TTC7B: variants seen among roughly 807,000 people sequenced by gnomAD.
TTC7B encodes tetratricopeptide repeat protein 7B.
A neutral mutation model predicts 106.8 loss-of-function variants in TTC7B; 28 were observed. That is an observed-to-expected ratio of 0.26 (90% confidence interval 0.19 to 0.36). The LOEUF is 0.36. Ranked by LOEUF, TTC7B falls within the 10% of genes least tolerant of loss-of-function variation. The probability of loss-of-function intolerance (pLI) is 1.00; values close to 1 mark genes in which losing one functional copy is unlikely to be tolerated. For synonymous variants in TTC7B, 405 were observed against 430.6 expected, an observed-to-expected ratio of 0.94 and a Z score of 0.74; for missense variants, 862 against 1,076.4, an observed-to-expected ratio of 0.80 and a Z score of 2.79.
chr14:90,583,350 T>G (rs1473028838), intron 18 of TTC7B, among the ~76,000 whole-genome samples: 1 of 152,200 alleles, frequency 6.6e-6, no homozygotes, highest in Non-Finnish European at 1.5e-5. Context: ...TGCAGATTAC[T>G]GAATGCTGGG....
At chr14:90,565,041 T>C (rs571282706) in intron 19 of TTC7B, among the ~76,000 whole-genome samples, 1 of 152,272 alleles carries the variant, frequency 6.6e-6, no homozygotes, top group Non-Finnish European at 1.5e-5. Context: ...ATGAGACAGC[T>C]TCTTAAACCT....
chr14:90,742,785 G>A lies in TTC7B; in HGVS notation c.576+2007C>T, dbSNP rs147167169. Among the ~76,000 whole-genome samples the A allele has an allele frequency of 2.3e-3, 348 of 152,322 alleles. 6 individuals carry two copies. Among genetic ancestry groups the A allele is most frequent in the African/African-American group, 8.1e-3 (338 of 41,556 alleles). ...CCTGCTGAAGAACCCAGCACTGAAT[G>A]GGGTGTTGTGAGTGAACATAACAGA... On this transcript the variant is annotated intron_variant, in intron 4 of 19. Coordinates refer to ENST00000328459, the MANE Select transcript of TTC7B (RefSeq NM_001010854.2). The surrounding 1 kb of genome is among the most constrained non-coding windows in gnomAD (Gnocchi z 4.1).
chr14:90,566,835 G>A (rs1378295965), intron 19 of TTC7B, among the ~76,000 whole-genome samples: 6 of 152,146 alleles, frequency 3.9e-5, no homozygotes, highest in Admixed American at 3.9e-4. Flanking sequence ...GAGTGTTCTG[G>A]ACATTGAGGC....
chr14:90,660,925 A>C (rs1886177948), intron 9 of TTC7B, among the ~76,000 whole-genome samples: 1 of 152,240 alleles, frequency 6.6e-6, no homozygotes, highest in African/African-American at 2.4e-5. Flanking sequence ...GAGCACGGGC[A>C]ATGTGTTCAG....
chr14:90,664,135 C>T (rs1886316107), intron 9 of TTC7B, among the ~76,000 whole-genome samples: 1 of 152,196 alleles, frequency 6.6e-6, no homozygotes, highest in African/African-American at 2.4e-5. Flanking sequence ...AGGCTGTTTG[C>T]TCATCCCAGT....
rs750919812 is a variant in TTC7B, at chr14:90,541,479, G to A, written c.2421C>T (p.Val807=). The change falls in exon 20 of 20, where the codon GTC becomes GTT. Residue 807 remains valine (V), a synonymous_variant. Coordinates refer to ENST00000328459, the MANE Select transcript of TTC7B (RefSeq NM_001010854.2). ...AHEVWNGLGE[V]LQAQGNDAAA... is the part of the protein sequence containing the mutation. ...CCGCATCGTTGCCCTGAGCTTGGAG[G>A]ACCTCGCCCAGCCCGTTCCAGACCT... The A allele has an allele frequency of 6.2e-6, 10 of 1,614,074 alleles. No individual in the cohort carries two copies. Among genetic ancestry groups the A allele is most frequent in the South Asian group, 1.1e-5 (1 of 91,076 alleles).
At chr14:90,646,360 A>G (rs1028867887) in intron 14 of TTC7B, among the ~76,000 whole-genome samples, 1 of 152,222 alleles carries the variant, frequency 6.6e-6, no homozygotes, top group Non-Finnish European at 1.5e-5. Context: ...CAGAGGCAGC[A>G]TCTAAAAGCT....
chr14:90,760,444 C>T (rs1209581687), intron 3 of TTC7B, among the ~76,000 whole-genome samples: 2 of 152,048 alleles, frequency 1.3e-5, no homozygotes, highest in Admixed American at 6.5e-5. Flanking sequence ...ACTCTTTTTT[C>T]GAGATAATTA....
In TTC7B at chr14:90,781,021, G is replaced by A. The variant is rs1051456614; in HGVS notation, c.277-115C>T. ...CCCACAGCTCCCCGCACAAGAGCTT[G>A]GACGTGAATGTTCTGAGCAGTGTTA... On this transcript the variant is annotated intron_variant, in intron 2 of 19. Coordinates refer to ENST00000328459, the MANE Select transcript of TTC7B (RefSeq NM_001010854.2). 37 of 888,062 alleles carry A rather than the reference G, an allele frequency of 4.2e-5. No homozygotes were observed. In the African/African-American group the frequency reaches 5.7e-4, roughly 14 times the overall value. The allele number at this position is 888,062 out of a possible 1,614,324, so 55.0% of individuals were successfully genotyped here.
At chr14:90,790,306 A>AG (rs1328711892) in intron 1 of TTC7B, among the ~76,000 whole-genome samples, 67 of 152,186 alleles carry the variant, frequency 4.4e-4, no homozygotes, top group African/African-American at 1.6e-3. Flanking sequence ...AAAAAAAAAA[A>AG]GTAACTCTTC....
At chr14:90,554,361 C>T (rs1041267299) in intron 19 of TTC7B, among the ~76,000 whole-genome samples, 3 of 152,156 alleles carry the variant, frequency 2.0e-5, no homozygotes, top group Non-Finnish European at 2.9e-5. Context: ...AACAGAAGCC[C>T]GGAGAGGGTA....
Position 90,570,804 on chromosome 14 carries a change from A to T in TTC7B, c.2310+7302T>A, listed in dbSNP as rs1433079595. ...GTGAGGCACCCTGCTAACTCATTTAACCCGCACAGCAACACCACCGGGCAC... is the reference window on the plus strand; with the variant it reads ...GTGAGGCACCCTGCTAACTCATTTATCCCGCACAGCAACACCACCGGGCAC... On this transcript the variant is annotated intron_variant, in intron 19 of 19. Transcript: ENST00000328459. This position sits in a 1 kb window ranked among gnomAD's most constrained non-coding sequence, Gnocchi z 4.0. Among the ~76,000 whole-genome samples, 1 of 151,864 alleles carries T rather than the reference A, an allele frequency of 6.6e-6. No individual in the cohort carries two copies. Among genetic ancestry groups the T allele is most frequent in the Non-Finnish European group, 1.5e-5 (1 of 67,946 alleles).
chr14:90,639,468 G>A (rs1035567318), intron 15 of TTC7B, among the ~76,000 whole-genome samples: 4 of 152,142 alleles, frequency 2.6e-5, no homozygotes, highest in Admixed American at 1.3e-4. Context: ...TGAGGGATGC[G>A]CAACTTAAAC....
At chr14:90,711,452 C>A (rs1019589552) in intron 5 of TTC7B, among the ~76,000 whole-genome samples, 9 of 152,170 alleles carry the variant, frequency 5.9e-5, no homozygotes, top group Non-Finnish European at 8.8e-5. Flanking sequence ...GATGGAGTCT[C>A]GCTCTGTTGC....
At chr14:90,644,257 G>GCGCA (rs1885330814) in intron 14 of TTC7B, 49 bp from the exon 15 acceptor site, 20 of 1,173,354 alleles carry the variant, frequency 1.7e-5, no homozygotes, top group Middle Eastern at 3.1e-4. Context: ...ACATGCACAC[G>GCGCA]CACACACACA....
At chr14:90,781,200 A>T (rs1891209423) in intron 2 of TTC7B, among the ~76,000 whole-genome samples, 1 of 152,250 alleles carries the variant, frequency 6.6e-6, no homozygotes, top group South Asian at 2.1e-4. Flanking sequence ...TGAAAAATCC[A>T]GTCACAAAAG....
rs1460146851 is a variant in TTC7B, at chr14:90,570,850, T to C, written c.2310+7256A>G. ...GGCACTGTTATTACTCCCATTTCAC[T>C]GTCGAGAAAAATGGAAGCACAGAGA... On this transcript the variant is annotated intron_variant, in intron 19 of 19. Coordinates refer to ENST00000328459, the MANE Select transcript of TTC7B (RefSeq NM_001010854.2). The surrounding 1 kb of genome is among the most constrained non-coding windows in gnomAD (Gnocchi z 4.0). Among the ~76,000 whole-genome samples the C allele has an allele frequency of 2.0e-5, 3 of 152,126 alleles. No individual in the cohort carries two copies. The highest frequency in any genetic ancestry group is 7.2e-5 in the African/African-American group (3 of 41,416).
intron 19 of TTC7B, among the ~76,000 whole-genome samples, chr14:90,556,642 C>T (rs1180983027): frequency 1.3e-5 from 2 of 152,186 alleles, no homozygotes; most frequent in East Asian, 1.9e-4. Flanking sequence ...CCCCATGGCC[C>T]GACTGATCCT....
At chr14:90,720,832 GT>G (rs1163483282) in intron 5 of TTC7B, among the ~76,000 whole-genome samples, 2 of 152,152 alleles carry the variant, frequency 1.3e-5, no homozygotes. Flanking sequence ...TAATTTACTT[GT>G]TTTTTCTTCT....
Sources: allele counts gnomAD v4.1 joint callset (sites outside exome capture counted in the v4.1 genomes callset), GRCh38; gene constraint gnomAD v4.1.1; non-coding constraint Gnocchi (gnomAD v3.1); transcripts MANE v1.5; gene names NCBI Gene and HGNC (gene_info 2026-07-23, HGNC 2026-07-21).